The following VEPH1 variants were observed in gnomAD, a reference collection of about 807,000 sequenced individuals.
The protein encoded by VEPH1 is ventricular zone-expressed PH domain-containing protein homolog 1.
VEPH1 carries 80 observed loss-of-function variants against 85.2 expected under a neutral mutation model. That is an observed-to-expected ratio of 0.94 (90% CI 0.78 to 1.13). VEPH1 has a LOEUF of 1.13. VEPH1 is among the 50% of genes most tolerant of loss of function. The pLI, the probability that VEPH1 is intolerant of heterozygous loss-of-function variation, is 0.00. For synonymous variants in VEPH1, 297 were observed against 348.0 expected (o/e 0.85, Z 1.63); for missense variants, 955 against 980.5 (o/e 0.97, Z 0.35).
At position 157,261,216 on chromosome 3, in the gene VEPH1, G is replaced by A; in HGVS notation, c.2420C>T (p.Ala807Val). ...YVFKAKDEKN[A>V]EEWLQCINVA... ...GTTGATGCACTGGAGCCATTCTTCT[G>A]CATTCTTCTCATCCTTGGCCTTAAA... The change falls in exon 14 of 14, where the codon GCA becomes GTA. Residue 807 changes from alanine (A) to valine (V), a missense_variant. Coordinates refer to ENST00000362010, the MANE Select transcript of VEPH1 (RefSeq NM_001167912.2). 1 of 1,613,770 alleles carries A rather than the reference G, an allele frequency of 6.2e-7. No individual in the cohort carries two copies. Among genetic ancestry groups the A allele is most frequent in the Non-Finnish European group, 8.5e-7 (1 of 1,179,780 alleles).
At chr3:157,419,125 C>T (rs1299915164) in intron 5 of VEPH1, among the ~76,000 whole-genome samples, 3 of 152,112 alleles carry the variant, frequency 2.0e-5, no homozygotes, top group Non-Finnish European at 4.4e-5. Flanking sequence ...AGTGGCTAGC[C>T]ATATGCAGAA....
rs976579732 is a variant in VEPH1 at position 157,437,729 on chromosome 3, C to G, written c.530-9241G>C. 9.9e-6 allele frequency: 15 copies of G among 1,513,904 alleles called. No individual in the cohort carries two copies. The highest frequency in any genetic ancestry group is 1.2e-5 in the Non-Finnish European group (14 of 1,138,560). The allele number at this position is 1,513,904 out of a possible 1,614,324, so 93.8% of individuals were successfully genotyped here. On this transcript the variant is annotated intron_variant, in intron 4 of 13. Transcript: ENST00000362010. ...CCCGCAGAGGCCAGGCTGACCAGTG[C>G]TCTGGACGAGCTGCTGCAGGCGACC... is the stretch of plus-strand genomic sequence containing the variant.
At chr3:157,327,848 T>C (rs974975999) in intron 9 of VEPH1, among the ~76,000 whole-genome samples, 1 of 152,156 alleles carries the variant, frequency 6.6e-6, no homozygotes, top group African/African-American at 2.4e-5. Flanking sequence ...TTGAAGAGCC[T>C]TGGATGCTCT....
intron 12 of VEPH1, among the ~76,000 whole-genome samples, chr3:157,277,042 C>T (rs1488937077): frequency 6.6e-6 from 1 of 152,050 alleles, no homozygotes; most frequent in Admixed American, 6.6e-5. Context: ...TACAGGCATG[C>T]GCCACCACAG....
chr3:157,305,509 T>G (rs1451568062), intron 11 of VEPH1, among the ~76,000 whole-genome samples: 3 of 152,248 alleles, frequency 2.0e-5, no homozygotes, highest in Non-Finnish European at 4.4e-5. Context: ...CTCCTATCTT[T>G]AGACATTTAG....
intron 13 of VEPH1, among the ~76,000 whole-genome samples, chr3:157,265,157 G>A (rs1013401730): frequency 1.3e-5 from 2 of 151,710 alleles, no homozygotes; most frequent in Non-Finnish European, 2.9e-5. Context: ...TCCTTTTTTG[G>A]ACCCCCATTT....
At chr3:157,314,965 G>A (rs1022357766) in intron 10 of VEPH1, among the ~76,000 whole-genome samples, 9 of 151,958 alleles carry the variant, frequency 5.9e-5, no homozygotes, top group Non-Finnish European at 1.3e-4. Context: ...AATGTAAGAA[G>A]CTTTTCAATT....
rs549680224 is a variant in VEPH1 at position 157,395,090 on chromosome 3, G to A, written c.907-13714C>T. Among the ~76,000 whole-genome samples, 10 of 152,300 alleles carry A rather than the reference G, an allele frequency of 6.6e-5. No individual in the cohort carries two copies. In the East Asian group the frequency reaches 7.7e-4, roughly 12 times the overall value. ...TAAGACCAGTGAACGCCATGATCACGAATGCATTGCCGCATTTCTGTCTGT... is the reference window on the plus strand; with the variant it reads ...TAAGACCAGTGAACGCCATGATCACAAATGCATTGCCGCATTTCTGTCTGT... On this transcript the variant is annotated intron_variant, in intron 6 of 13. Transcript: ENST00000362010.
intron 4 of VEPH1, among the ~76,000 whole-genome samples, chr3:157,457,366 C>T (rs1735469917): frequency 6.6e-6 from 1 of 151,946 alleles, no homozygotes; most frequent in South Asian, 2.1e-4. Flanking sequence ...TTTGGATGTG[C>T]TATATTTCTT....
At chr3:157,292,842 G>T (rs989171170) in intron 11 of VEPH1, among the ~76,000 whole-genome samples, 1 of 147,564 alleles carries the variant, frequency 6.8e-6, no homozygotes, top group Non-Finnish European at 1.5e-5. Flanking sequence ...AATTAGCCAG[G>T]CACGGTGGCA....
intron 6 of VEPH1, among the ~76,000 whole-genome samples, chr3:157,384,802 G>A: frequency 6.6e-6 from 1 of 152,118 alleles, no homozygotes; most frequent in Non-Finnish European, 1.5e-5. Context: ...TAATATTAGG[G>A]CAGGAAGGGG....
At chr3:157,264,703 A>T (rs1028772627) in intron 13 of VEPH1, among the ~76,000 whole-genome samples, 6 of 152,164 alleles carry the variant, frequency 3.9e-5, no homozygotes, top group African/African-American at 1.4e-4. Flanking sequence ...TGGTGGCCTA[A>T]TAGGATTGTT....
At chr3:157,434,802 T>G (rs1733421673) in intron 4 of VEPH1, among the ~76,000 whole-genome samples, 1 of 152,156 alleles carries the variant, frequency 6.6e-6, no homozygotes, top group Non-Finnish European at 1.5e-5. Context: ...CTTTAAAAAT[T>G]CCCCCTGCAC....
Position 157,270,691 on chromosome 3 carries a change from C to A in VEPH1, c.2129-5029G>T, listed in dbSNP as rs575825382. On this transcript the variant is annotated intron_variant, in intron 12 of 13. Transcript: ENST00000362010. The stretch of plus-strand genomic sequence containing the variant: ...TTCATCTGCTCATTTATCAATCATC[C>A]ACCCACCCCGTATGTATTTTCGAGC... 2.6e-5 allele frequency among the ~76,000 whole-genome samples: 4 copies of A among 152,062 alleles called. 1 individual carries two copies. The South Asian group carries it at 8.3e-4, about 32-fold the overall frequency.
chr3:157,431,438 T>C (rs1733142272), intron 4 of VEPH1, among the ~76,000 whole-genome samples: 1 of 152,190 alleles, frequency 6.6e-6, no homozygotes, highest in Admixed American at 6.5e-5. Context: ...CTCTGATCCC[T>C]GTTCCTTCAT....
intron 1 of VEPH1, among the ~76,000 whole-genome samples, chr3:157,497,610 C>G (rs1739767215): frequency 6.6e-6 from 1 of 152,164 alleles, no homozygotes; most frequent in Non-Finnish European, 1.5e-5. Flanking sequence ...GGACATGTGG[C>G]ACTCCATGAA....
chr3:157,286,549 T>C lies in VEPH1; in HGVS notation c.2128+8A>G, dbSNP rs1451900337. 1.2e-6 allele frequency: 2 copies of C among 1,606,168 alleles called. No homozygotes were observed. Among genetic ancestry groups the C allele is most frequent in the East Asian group, 4.5e-5 (2 of 44,828 alleles). ...AATGGTTCTTAGCAGCAGGTAAGGG[T>C]CTCTCACCAGTTGCTTTCTCAGGAT... On this transcript the variant is annotated splice_region_variant and intron_variant, in intron 12 of 13. Coordinates refer to ENST00000362010, the MANE Select transcript of VEPH1 (RefSeq NM_001167912.2).
At chr3:157,275,817 A>T (rs941216784) in intron 12 of VEPH1, among the ~76,000 whole-genome samples, 1 of 151,984 alleles carries the variant, frequency 6.6e-6, no homozygotes, top group South Asian at 2.1e-4. Flanking sequence ...TAAAGTTTCA[A>T]ATTTACTTCA....
chr3:157,454,401 A>G (rs1367318607), intron 4 of VEPH1, among the ~76,000 whole-genome samples: 1 of 152,184 alleles, frequency 6.6e-6, no homozygotes, highest in Non-Finnish European at 1.5e-5. Context: ...GTGGCTGGTC[A>G]GCAGTCTTGC....
Sources: allele counts gnomAD v4.1 joint callset (sites outside exome capture counted in the v4.1 genomes callset), GRCh38; gene constraint gnomAD v4.1.1; transcripts MANE v1.5; gene names NCBI Gene and HGNC (gene_info 2026-07-23, HGNC 2026-07-21).